Variants in DST observed in about 807,000 individuals in gnomAD.
DST encodes dystonin.
A neutral mutation model predicts 875.2 loss-of-function variants in DST; 253 were observed. The observed-to-expected ratio is 0.29, with a 90% CI of 0.26 to 0.32. The LOEUF (loss-of-function observed/expected upper bound fraction) is 0.32. Ranked by LOEUF, DST falls within the 10% of genes least tolerant of loss-of-function variation. The probability of loss-of-function intolerance (pLI) is 1.00; values close to 1 mark genes in which losing one functional copy is unlikely to be tolerated. For synonymous variants in DST, 3,124 were observed against 3,197.1 expected (o/e 0.98, Z 0.77); for missense variants, 8,287 against 9,111.6 (o/e 0.91, Z 3.68).
At chr6:56,879,295 C>G (rs993571428) in intron 3 of DST, among the ~76,000 whole-genome samples, 3 of 152,030 alleles carry the variant, frequency 2.0e-5, no homozygotes, top group Non-Finnish European at 2.9e-5. Context: ...GGTGAAACCC[C>G]CGTCTCTACT....
chr6:56,795,001 T>C (rs914782548), intron 4 of DST, among the ~76,000 whole-genome samples: 1 of 151,980 alleles, frequency 6.6e-6, no homozygotes. Context: ...TAAACATAAA[T>C]AGGTACATAG....
chr6:56,603,617 C>G lies in DST; in HGVS notation c.10888G>C (p.Glu3630Gln). ...GCTTCCAAGTTGTTATCCAGAGATT[C>G]CTGGTTGTCTAAGGGGGGTTTCATA... is the stretch of plus-strand genomic sequence containing the variant. ...QDMKPPLDNQ[E>Q]SLDNNLEALK... Residue 3630 changes from glutamate to glutamine, a missense_variant, in exon 41 of 104, where the codon GAA becomes CAA. By Grantham distance (29) the Glu-to-Gln change is conservative. Around this residue, in one of 10 missense-constraint regions of DST, gnomAD observed 3,138 missense variants for 3,116.6 expected, o/e 1.01. Transcript: ENST00000680361. 1 of 1,611,034 alleles carries G rather than the reference C, an allele frequency of 6.2e-7. No individual in the cohort carries two copies. Among genetic ancestry groups the G allele is most frequent in the Non-Finnish European group, 8.5e-7 (1 of 1,178,908 alleles).
chr6:56,869,219 G>A (rs1775776133), intron 3 of DST, among the ~76,000 whole-genome samples: 1 of 152,162 alleles, frequency 6.6e-6, no homozygotes, highest in South Asian at 2.1e-4. Context: ...TTGCAGACTT[G>A]ACTTCCTAAC....
At chr6:56,945,348 A>C (rs1419122616) in intron 2 of DST, among the ~76,000 whole-genome samples, 1 of 152,242 alleles carries the variant, frequency 6.6e-6, no homozygotes, top group Non-Finnish European at 1.5e-5. Context: ...AGATATTTAA[A>C]AGAGAAGACA....
Position 56,648,700 on chromosome 6 carries a change from C to T in DST, c.1435-11G>A, listed in dbSNP as rs1231906241. On this transcript the variant is annotated splice_polypyrimidine_tract_variant and intron_variant, in intron 12 of 103. Transcript: ENST00000680361. ...TTTGACTTCAACATCCTAGAACAATCAAATGATAGAAAAGGTTCACATCTG... is the reference window on the plus strand; with the variant it reads ...TTTGACTTCAACATCCTAGAACAATTAAATGATAGAAAAGGTTCACATCTG... 1 of 1,550,152 alleles carries T rather than the reference C, an allele frequency of 6.5e-7. No homozygotes were observed. Among genetic ancestry groups the T allele is most frequent in the South Asian group, 1.2e-5 (1 of 82,528 alleles).
chr6:56,931,536 G>A (rs944893668), intron 2 of DST, among the ~76,000 whole-genome samples: 3 of 152,144 alleles, frequency 2.0e-5, no homozygotes, highest in African/African-American at 2.4e-5. Context: ...TCCACCAACC[G>A]CTTACACTGT....
At chr6:56,901,673 A>ATATATATACATG (rs1794205283) in intron 2 of DST, among the ~76,000 whole-genome samples, 1 of 152,016 alleles carries the variant, frequency 6.6e-6, no homozygotes, top group Admixed American at 6.6e-5. Flanking sequence ...GTGTGTGTAT[A>ATATATATACATG]TATATATACA....
chr6:56,896,859 T>C (rs1725854339), intron 3 of DST, among the ~76,000 whole-genome samples: 1 of 152,248 alleles, frequency 6.6e-6, no homozygotes, highest in African/African-American at 2.4e-5. Context: ...AGATTCTGGA[T>C]ATTAGTCCTT....
chr6:56,609,414 G>T (rs2098525775), intron 39 of DST, 70 bp from the exon 40 acceptor site: 1 of 1,115,756 alleles, frequency 9.0e-7, no homozygotes, highest in Non-Finnish European at 1.3e-6. Flanking sequence ...ATGCAACTTA[G>T]GTTTTTTAAA....
At chr6:56,540,618 G>A (rs1376333569) in intron 61 of DST, 1 of 152,534 alleles carries the variant, frequency 6.6e-6, no homozygotes. Context: ...GATTCTCCAG[G>A]TCCGTATGTT....
At chr6:56,563,579 T>A (rs1286820636) in intron 55 of DST, among the ~76,000 whole-genome samples, 1 of 152,228 alleles carries the variant, frequency 6.6e-6, no homozygotes, top group Non-Finnish European at 1.5e-5. Context: ...CAGAAGCTCT[T>A]TAATTAGATC....
rs574472220 is a variant in DST, at chr6:56,494,698, A to C, written c.20224-518T>G. ...TAAGTTGATTATTCAGAATTATAAG[A>C]ATCAAACTTGTGGTACTATGAATAT... On this transcript the variant is annotated intron_variant, in intron 82 of 103. Transcript: ENST00000680361. Among the ~76,000 whole-genome samples, 60 of 152,116 alleles carry C rather than the reference A, an allele frequency of 3.9e-4. 1 individual carries two copies. The highest frequency in any genetic ancestry group is 4.7e-4 in the Non-Finnish European group (32 of 67,968).
chr6:56,778,109 C>T (rs1230049208), intron 4 of DST, among the ~76,000 whole-genome samples: 1 of 152,084 alleles, frequency 6.6e-6, no homozygotes, highest in Non-Finnish European at 1.5e-5. Context: ...CGTATAAGCA[C>T]AAAAATTGAG....
At chr6:56,646,872 A>G (rs1201320819) in intron 13 of DST, among the ~76,000 whole-genome samples, 1 of 152,256 alleles carries the variant, frequency 6.6e-6, no homozygotes, top group Non-Finnish European at 1.5e-5. Flanking sequence ...CATATTTAAT[A>G]GGTATGTACT....
chr6:56,806,026 TG>T (rs552166230), intron 4 of DST, among the ~76,000 whole-genome samples: 146 of 152,264 alleles, frequency 9.6e-4, no homozygotes, highest in Admixed American at 2.0e-3. Context: ...CTCATTAGGA[TG>T]GGGGTAAGTG....
At position 56,701,417 on chromosome 6, in the gene DST, A is replaced by C. The variant is rs2099305590; in HGVS notation, c.954+471T>G. 2.0e-5 allele frequency among the ~76,000 whole-genome samples: 3 copies of C among 152,062 alleles called. No individual in the cohort carries two copies. The South Asian group carries it at 6.2e-4, about 31-fold the overall frequency. On this transcript the variant is annotated intron_variant, in intron 8 of 103. Coordinates refer to ENST00000680361, the MANE Select transcript of DST (RefSeq NM_001374736.1). The stretch of plus-strand genomic sequence containing the variant: ...ATTTTCCAATATTATCTACTTATAA[A>C]AACAAAAGATTTCCTTATCCCTACT...
At position 56,634,469 on chromosome 6, in the gene DST, C is replaced by T; in HGVS notation, c.3487G>A (p.Ala1163Thr). Residue 1163 changes from alanine to threonine, a missense_variant, in exon 26 of 104, where the codon GCC becomes ACC. Transcript: ENST00000680361. ...PPPNKEAVDL[A>T]NRIEQQYQNV... is the part of the protein sequence containing the mutation. Reference sequence around the variant, plus strand: ...TAGCTAATATATACAAACCTGTTGGCAAGGTCCACCGCTTCTTTGTTTGGT... The same window carrying T: ...TAGCTAATATATACAAACCTGTTGGTAAGGTCCACCGCTTCTTTGTTTGGT... 6.2e-7 allele frequency: 1 copy of T among 1,614,120 alleles called. No individual in the cohort carries two copies. Among genetic ancestry groups the T allele is most frequent in the African/African-American group, 1.3e-5 (1 of 75,038 alleles).
chr6:56,746,656 T>G (rs912036436), intron 4 of DST, among the ~76,000 whole-genome samples: 10 of 152,132 alleles, frequency 6.6e-5, no homozygotes, highest in Non-Finnish European at 2.9e-5. Context: ...GGAGAGAGGT[T>G]GGTAGATGGT....
chr6:56,536,257 T>C (rs2096996957), intron 62 of DST, among the ~76,000 whole-genome samples: 1 of 152,194 alleles, frequency 6.6e-6, no homozygotes, highest in African/African-American at 2.4e-5. Context: ...TTACAAGTAA[T>C]TGAGGGCTGA....
Sources: allele counts gnomAD v4.1 joint callset (sites outside exome capture counted in the v4.1 genomes callset), GRCh38; gene constraint gnomAD v4.1.1; regional missense constraint gnomAD v4.1.1; transcripts MANE v1.5; gene names NCBI Gene and HGNC (gene_info 2026-07-23, HGNC 2026-07-21).